GRIP1: variants seen among roughly 807,000 people sequenced by gnomAD.
GRIP1 encodes the protein glutamate receptor-interacting protein 1.
GRIP1 carries 45 observed loss-of-function variants against 129.9 expected under a neutral mutation model. That is an observed-to-expected ratio of 0.35 (90% CI 0.27 to 0.44). The LOEUF (loss-of-function observed/expected upper bound fraction) is 0.44. GRIP1 is among the 20% of genes least tolerant of loss of function. GRIP1 has a pLI of 1.00. For synonymous variants in GRIP1, 530 were observed against 520.8 expected (o/e 1.02, Z -0.24); for missense variants, 1,196 against 1,396.8 (o/e 0.86, Z 2.29).
chr12:66,354,243 T>G (rs1331114250), intron 23 of GRIP1, among the ~76,000 whole-genome samples: 2 of 152,164 alleles, frequency 1.3e-5, no homozygotes, highest in Non-Finnish European at 2.9e-5. Flanking sequence ...TCTCTCTGCA[T>G]CTAAGGCCAA....
chr12:66,898,148 C>T (rs11176480), intron 1 of GRIP1, among the ~76,000 whole-genome samples: 6,931 of 152,132 alleles, frequency 0.046, 538 homozygotes, highest in African/African-American at 0.16. Context: ...TTATGTTAGC[C>T]GAGGCAAGAA....
At chr12:66,365,373 G>A (rs184651436) in intron 23 of GRIP1, among the ~76,000 whole-genome samples, 15 of 152,308 alleles carry the variant, frequency 9.8e-5, no homozygotes, top group African/African-American at 3.6e-4. Context: ...GGAGGCGGAG[G>A]TTGCAGTGAG....
At chr12:66,928,665 T>C (rs964377248) in intron 1 of GRIP1, among the ~76,000 whole-genome samples, 6 of 152,234 alleles carry the variant, frequency 3.9e-5, no homozygotes, top group African/African-American at 9.6e-5. Context: ...CTGAAATTCA[T>C]GTAGGAAGCG....
chr12:66,499,004 G>A (rs2060315524), intron 7 of GRIP1, among the ~76,000 whole-genome samples: 1 of 152,162 alleles, frequency 6.6e-6, no homozygotes, highest in African/African-American at 2.4e-5. Context: ...CACTGAGAAG[G>A]AGCAAAAAGA....
At chr12:66,946,689 C>T (rs975589440) in intron 1 of GRIP1, among the ~76,000 whole-genome samples, 1 of 149,858 alleles carries the variant, frequency 6.7e-6, no homozygotes, top group South Asian at 2.1e-4. Context: ...GTCAATATGT[C>T]CCTTTAAAAA....
rs1450146546 is a variant in GRIP1, at chr12:66,455,582, C to T, written c.1199-18G>A. ...CAAAGCTGCTGCAAGAGAGTGAAGA[C>T]GTTGCACAGAGCACTCTCAGGTGAG... is the stretch of plus-strand genomic sequence containing the variant. On this transcript the variant is annotated intron_variant, in intron 10 of 24. Coordinates refer to ENST00000359742, the MANE Select transcript of GRIP1 (RefSeq NM_001366722.1). The T allele has an allele frequency of 8.7e-6, 14 of 1,612,150 alleles. No individual in the cohort carries two copies. The highest frequency in any genetic ancestry group is 1.8e-4 in the Middle Eastern group (1 of 5,522).
chr12:66,507,331 G>A (rs1304618366), intron 7 of GRIP1, among the ~76,000 whole-genome samples: 2 of 152,108 alleles, frequency 1.3e-5, no homozygotes, highest in African/African-American at 2.4e-5. Flanking sequence ...CCAGCTACTT[G>A]GGAGGCTGAG....
chr12:66,634,421 CAG>C (rs1477273855), intron 1 of GRIP1, among the ~76,000 whole-genome samples: 8 of 152,100 alleles, frequency 5.3e-5, no homozygotes, highest in Non-Finnish European at 1.2e-4. Context: ...GCTTTCTCTG[CAG>C]AGTCATCTTA....
At chr12:66,734,259 T>C (rs574789302) in intron 1 of GRIP1, among the ~76,000 whole-genome samples, 2 of 152,332 alleles carry the variant, frequency 1.3e-5, no homozygotes, top group East Asian at 1.9e-4. Flanking sequence ...CACTGATACC[T>C]AGGGCTGAAA....
intron 1 of GRIP1, among the ~76,000 whole-genome samples, chr12:66,820,263 A>G (rs2039294912): frequency 6.6e-6 from 1 of 152,212 alleles, no homozygotes; most frequent in Non-Finnish European, 1.5e-5. Context: ...GCTCCAAGTC[A>G]TATGCGATTA....
chr12:66,377,091 A>C (rs1477481259), intron 21 of GRIP1, 30 bp from the exon 22 acceptor site: 1 of 1,599,972 alleles, frequency 6.3e-7, no homozygotes, highest in African/African-American at 1.3e-5. Context: ...TTTTAAATGA[A>C]CTGGTGTGAG....
chr12:66,453,558 T>A (rs769968414), intron 11 of GRIP1, among the ~76,000 whole-genome samples: 5 of 152,224 alleles, frequency 3.3e-5, no homozygotes, highest in Admixed American at 6.5e-5. Context: ...CAATTCATAT[T>A]TAGGCCGATG....
intron 1 of GRIP1, among the ~76,000 whole-genome samples, chr12:66,758,865 G>A (rs1475631379): frequency 6.6e-6 from 1 of 152,178 alleles, no homozygotes; most frequent in African/African-American, 2.4e-5. Context: ...ATGGTCTTGG[G>A]CAGCTCTGCT....
At chr12:66,846,836 G>A (rs1025013997) in intron 1 of GRIP1, among the ~76,000 whole-genome samples, 1 of 152,148 alleles carries the variant, frequency 6.6e-6, no homozygotes, top group African/African-American at 2.4e-5. Flanking sequence ...AGAGGAAGAG[G>A]GGGGACCTGT....
Position 66,877,183 on chromosome 12 carries a change from C to T in GRIP1, c.58+191867G>A, listed in dbSNP as rs533255839. Among the ~76,000 whole-genome samples, 119 of 152,112 alleles carry T rather than the reference C, an allele frequency of 7.8e-4. 3 individuals are homozygous for T. In the South Asian group the frequency reaches 0.024, roughly 31 times the overall value. ...CTGTAACCGACAGCATTTGAGGCTG[C>T]CCCATTCATGATGATTCTACACACA... On this transcript the variant is annotated intron_variant, in intron 1 of 1. Transcript: ENST00000643019.
chr12:66,826,542 A>C (rs2039416850), intron 1 of GRIP1, among the ~76,000 whole-genome samples: 1 of 151,960 alleles, frequency 6.6e-6, no homozygotes, highest in Admixed American at 6.6e-5. Context: ...ATTGAACTGA[A>C]CAGTAAGCAA....
intron 1 of GRIP1, among the ~76,000 whole-genome samples, chr12:66,734,455 G>A (rs1439308408): frequency 6.6e-6 from 1 of 152,106 alleles, no homozygotes; most frequent in African/African-American, 2.4e-5. Flanking sequence ...CATGTTTCAG[G>A]ATGAGAAATG....
intron 1 of GRIP1, among the ~76,000 whole-genome samples, chr12:66,995,880 T>C (rs1258095529): frequency 6.6e-6 from 1 of 152,182 alleles, no homozygotes; most frequent in African/African-American, 2.4e-5. Context: ...CATGAATATC[T>C]ATACCTGCAT....
At chr12:66,429,116 T>G (rs1471359463) in intron 14 of GRIP1, among the ~76,000 whole-genome samples, 1 of 152,228 alleles carries the variant, frequency 6.6e-6, no homozygotes, top group Non-Finnish European at 1.5e-5. Context: ...AGTCTGAAAC[T>G]GCTCACTGTG....
Sources: gnomAD v4.1 joint callset for allele counts (sites outside exome capture counted in the v4.1 genomes callset) on GRCh38, gnomAD v4.1.1 for gene constraint, MANE v1.5 for transcripts, NCBI Gene and HGNC (gene_info 2026-07-23, HGNC 2026-07-21) for gene names.